DOCK3: variants seen among roughly 807,000 people sequenced by gnomAD.
DOCK3 encodes dedicator of cytokinesis protein 3.
A neutral mutation model predicts 265.6 loss-of-function variants in DOCK3; 60 were observed. The observed-to-expected ratio is 0.23, with a 90% CI of 0.18 to 0.28. DOCK3 has a LOEUF of 0.28. Among genes scored for constraint, DOCK3 ranks in the 10% least tolerant of loss-of-function variants. The pLI is 1.00. For synonymous variants in DOCK3, 881 were observed against 938.0 expected (o/e 0.94, Z 1.11); for missense variants, 1,981 against 2,594.3 (o/e 0.76, Z 5.14).
chr3:50,752,815 G>A (rs1449119111), intron 1 of DOCK3, among the ~76,000 whole-genome samples: 1 of 152,134 alleles, frequency 6.6e-6, no homozygotes, highest in African/African-American at 2.4e-5. Context: ...CGACTGTTAA[G>A]TGGAGGCAGT....
intron 49 of DOCK3, among the ~76,000 whole-genome samples, chr3:51,368,851 C>A (rs1184269637): frequency 6.6e-6 from 1 of 152,216 alleles, no homozygotes; most frequent in Admixed American, 6.5e-5. Context: ...CCCTCTGAGA[C>A]AAAGCTTCCA....
At chr3:51,330,025 C>G in intron 32 of DOCK3, 113 bp from the exon 33 acceptor site, 1 of 1,037,820 alleles carries the variant, frequency 9.6e-7, no homozygotes, top group East Asian at 2.6e-5. Flanking sequence ...TTCTTTGGAG[C>G]AAGGACAGGA....
At chr3:51,234,069 C>T (rs1158269407) in intron 19 of DOCK3, among the ~76,000 whole-genome samples, 1 of 152,182 alleles carries the variant, frequency 6.6e-6, no homozygotes, top group Non-Finnish European at 1.5e-5. Flanking sequence ...AACCTCTATA[C>T]TGTTTTCCAT....
At chr3:50,927,876 G>C (rs1014668540) in intron 4 of DOCK3, among the ~76,000 whole-genome samples, 8 of 152,098 alleles carry the variant, frequency 5.3e-5, no homozygotes, top group Non-Finnish European at 8.8e-5. Flanking sequence ...TCCCACAATT[G>C]TCTGTAACAC....
At chr3:51,149,272 A>T (rs1008239540) in intron 10 of DOCK3, among the ~76,000 whole-genome samples, 1 of 152,192 alleles carries the variant, frequency 6.6e-6, no homozygotes, top group African/African-American at 2.4e-5. Context: ...ATATACAATC[A>T]TGTCATCTGC....
intron 3 of DOCK3, among the ~76,000 whole-genome samples, chr3:50,858,255 A>C (rs1212143342): frequency 6.6e-6 from 1 of 152,078 alleles, no homozygotes; most frequent in Non-Finnish European, 1.5e-5. Context: ...AGGACGGGGA[A>C]CATCACACTC....
At chr3:51,326,519 A>T (rs934550262) in intron 32 of DOCK3, among the ~76,000 whole-genome samples, 5 of 150,922 alleles carry the variant, frequency 3.3e-5, no homozygotes, top group Admixed American at 6.6e-5. Flanking sequence ...TGACCTCATG[A>T]TCTGCCCACC....
intron 5 of DOCK3, among the ~76,000 whole-genome samples, chr3:51,048,878 C>G (rs1046884245): frequency 8.0e-5 from 12 of 150,874 alleles, no homozygotes; most frequent in African/African-American, 2.9e-4. Context: ...AAAAAAACAA[C>G]TATGACATGC....
At chr3:50,852,071 G>A (rs2046378616) in intron 3 of DOCK3, among the ~76,000 whole-genome samples, 1 of 152,202 alleles carries the variant, frequency 6.6e-6, no homozygotes, top group Admixed American at 6.5e-5. Context: ...CAGTGGAAAG[G>A]TAAGTTACAG....
intron 9 of DOCK3, among the ~76,000 whole-genome samples, chr3:51,103,204 G>T (rs2083151505): frequency 6.6e-6 from 1 of 152,168 alleles, no homozygotes; most frequent in Non-Finnish European, 1.5e-5. Flanking sequence ...GACATAGAAT[G>T]GAGAGAAATA....
intron 49 of DOCK3, among the ~76,000 whole-genome samples, chr3:51,366,907 A>C (rs1028213927): frequency 1.3e-5 from 2 of 152,150 alleles, no homozygotes; most frequent in African/African-American, 2.4e-5. Flanking sequence ...CTTTACTTCC[A>C]ATTATGTGGT....
chr3:50,922,787 A>G (rs1380578749), intron 4 of DOCK3, among the ~76,000 whole-genome samples: 1 of 145,020 alleles, frequency 6.9e-6, no homozygotes, highest in Admixed American at 6.9e-5. Flanking sequence ...TTCTCTCCAT[A>G]GGTTGTTGGG....
chr3:51,258,675 C>A (rs2079682101), intron 22 of DOCK3, among the ~76,000 whole-genome samples: 1 of 152,156 alleles, frequency 6.6e-6, no homozygotes, highest in African/African-American at 2.4e-5. Context: ...TCTGTTCTAT[C>A]CTTTACCTAT....
chr3:50,823,336 T>G (rs2044562502), intron 2 of DOCK3, among the ~76,000 whole-genome samples: 1 of 152,194 alleles, frequency 6.6e-6, no homozygotes, highest in Non-Finnish European at 1.5e-5. Context: ...TTTGTGTCCC[T>G]GAGTACTTGA....
In DOCK3 at chr3:51,362,512, T is replaced by C. The variant is rs1280888378; in HGVS notation, c.5146-15T>C. 2.5e-6 allele frequency: 4 copies of C among 1,613,856 alleles called. No homozygotes were observed. The highest frequency in any genetic ancestry group is 3.4e-6 in the Non-Finnish European group (4 of 1,179,878). On this transcript the variant is annotated splice_polypyrimidine_tract_variant and intron_variant, in intron 48 of 52. Transcript: ENST00000266037. ...CATTCAGACCTCTATCCTGCTGATT[T>C]TTCTCCCTTTGCAGCTCGCGTATCC...
intron 12 of DOCK3, among the ~76,000 whole-genome samples, chr3:51,207,732 C>T (rs755405829): frequency 2.6e-5 from 4 of 152,102 alleles, no homozygotes; most frequent in Non-Finnish European, 5.9e-5. Flanking sequence ...CTGGGGTCTC[C>T]TCCTGGAAGT....
At position 51,214,244 on chromosome 3, in the gene DOCK3, C is replaced by T; in HGVS notation, c.1249C>T (p.Pro417Ser). 6.2e-7 allele frequency: 1 copy of T among 1,613,266 alleles called. No individual in the cohort carries two copies. The highest frequency in any genetic ancestry group is 8.5e-7 in the Non-Finnish European group (1 of 1,179,586). Reference protein sequence around the residue: ...RKLGFPDVIMPGDIRNDLYLT... With the variant: ...RKLGFPDVIMSGDIRNDLYLT... ...ATTGGGATTTCCTGATGTCATTATGCCAGGTATGCAGAACTGCTTGGGGCT... is the reference window on the plus strand; with the variant it reads ...ATTGGGATTTCCTGATGTCATTATGTCAGGTATGCAGAACTGCTTGGGGCT... The change falls in exon 14 of 53, where the codon CCA becomes TCA. Residue 417 changes from proline to serine, a missense_variant. Physicochemically the swap from Pro to Ser is moderately conservative, Grantham distance 74. This residue lies in a region of DOCK3 where 456 missense variants were observed against 539.0 expected (regional missense o/e 0.85). Transcript: ENST00000266037.
chr3:51,317,734 A>T (rs185386445), intron 32 of DOCK3, among the ~76,000 whole-genome samples: 18,863 of 151,648 alleles, frequency 0.12, 1,503 homozygotes, highest in Middle Eastern at 0.18. Flanking sequence ...TTCACAATGT[A>T]TACATATATC....
At chr3:50,858,068 C>T (rs908374668) in intron 3 of DOCK3, among the ~76,000 whole-genome samples, 1 of 152,116 alleles carries the variant, frequency 6.6e-6, no homozygotes. Flanking sequence ...GAATATGTGG[C>T]ACATATATAC....
Sources: gnomAD v4.1 joint callset for allele counts (sites outside exome capture counted in the v4.1 genomes callset) on GRCh38, gnomAD v4.1.1 for gene constraint, gnomAD v4.1.1 regional missense constraint, MANE v1.5 for transcripts, NCBI Gene and HGNC (gene_info 2026-07-23, HGNC 2026-07-21) for gene names.